The following PPP1R8 variants were observed in gnomAD, a reference collection of about 807,000 sequenced individuals.
The protein encoded by PPP1R8 is protein phosphatase 1 regulatory subunit 8.
PPP1R8 carries 4 observed loss-of-function variants against 31.3 expected under a neutral mutation model. The ratio of observed to expected loss-of-function variants is 0.13; its 90% confidence interval spans 0.06 to 0.29. PPP1R8 has a LOEUF of 0.29. Ranked by LOEUF, PPP1R8 falls within the 10% of genes least tolerant of loss-of-function variation. PPP1R8 has a pLI of 1.00. For missense variants in PPP1R8, 254 were observed against 440.1 expected, an observed-to-expected ratio of 0.58 and a Z score of 3.78; for synonymous variants, 170 against 169.7, an observed-to-expected ratio of 1.00 and a Z score of -0.01.
chr1:27,844,472 C>T (rs1177891471), intron 5 of PPP1R8, among the ~76,000 whole-genome samples: 2 of 151,648 alleles, frequency 1.3e-5, no homozygotes, highest in Non-Finnish European at 2.9e-5. Context: ...GAATTATAGG[C>T]TTCTGCCACC....
Position 27,850,306 on chromosome 1 carries a change from G to A in PPP1R8, c.916G>A (p.Val306Ile). The change falls in exon 7 of 7, where the codon GTT (valine) becomes ATT (isoleucine). Residue 306 changes from valine to isoleucine, a missense_variant. Physicochemically the swap from Val to Ile is conservative, Grantham distance 29. Coordinates refer to ENST00000311772, the MANE Select transcript of PPP1R8 (RefSeq NM_014110.5). ...TGCCCCTGATGTGGACTTGACTCCTGTTGTGCCGTCAGCAGTGAACATGAA... is the reference window on the plus strand; with the variant it reads ...TGCCCCTGATGTGGACTTGACTCCTATTGTGCCGTCAGCAGTGAACATGAA... ...NLAPDVDLTP[V>I]VPSAVNMNPA... 2 of 1,614,240 alleles carry A rather than the reference G, an allele frequency of 1.2e-6. No individual in the cohort carries two copies. Among genetic ancestry groups the A allele is most frequent in the East Asian group, 2.2e-5 (1 of 44,882 alleles).
At chr1:27,835,402 T>C (rs1271800060) in intron 2 of PPP1R8, among the ~76,000 whole-genome samples, 3 of 152,228 alleles carry the variant, frequency 2.0e-5, no homozygotes, top group African/African-American at 7.2e-5. Flanking sequence ...TATTTTTAAC[T>C]CAAGTCTTAA....
chr1:27,850,188 C>T lies in PPP1R8; in HGVS notation c.798C>T (p.Gly266=). The T allele has an allele frequency of 6.2e-7, 1 of 1,614,158 alleles. No individual in the cohort carries two copies. Among genetic ancestry groups the T allele is most frequent in the Non-Finnish European group, 8.5e-7 (1 of 1,180,024 alleles). ...CCTTCAGCGGAGGACTCTACGGGGG[C>T]CTGCCCCCCACACACAGTGAAGCAG... is the stretch of plus-strand genomic sequence containing the variant. ...NFAFSGGLYG[G]LPPTHSEAGS... Residue 266 remains glycine, a synonymous_variant, in exon 7 of 7, where the codon GGC becomes GGT. Transcript: ENST00000311772.
rs1571542076 is a variant in PPP1R8, at chr1:27,831,170, G to A, written c.56+279G>A. On this transcript the variant is annotated intron_variant, in intron 1 of 6. Transcript: ENST00000311772. ...TAGCCAGTCGCCGGAGCGCTTCGAGGCCTTGGCCCGAACTTACGCCCAACT... is the reference window on the plus strand; with the variant it reads ...TAGCCAGTCGCCGGAGCGCTTCGAGACCTTGGCCCGAACTTACGCCCAACT... The A allele has an allele frequency of 1.3e-5, 16 of 1,215,712 alleles. No homozygotes were observed. The South Asian group carries it at 3.5e-4, about 27-fold the overall frequency. The allele number at this position is 1,215,712 out of a possible 1,614,324, so 75.3% of individuals were successfully genotyped here. A position where few individuals can be genotyped will look rare whatever the true frequency, so the allele number is the denominator to read the frequency against.
chr1:27,833,418 C>T (rs967562063), intron 2 of PPP1R8, among the ~76,000 whole-genome samples: 5 of 152,118 alleles, frequency 3.3e-5, no homozygotes, highest in African/African-American at 1.2e-4. Flanking sequence ...GACAGAATCA[C>T]ACCAAAAAAT....
chr1:27,842,111 T>G (rs1269575173), intron 4 of PPP1R8, among the ~76,000 whole-genome samples: 1 of 152,086 alleles, frequency 6.6e-6, no homozygotes, highest in Non-Finnish European at 1.5e-5. Flanking sequence ...GAGGCCGAGG[T>G]GGGCGGATCA....
intron 5 of PPP1R8, among the ~76,000 whole-genome samples, chr1:27,843,581 A>G (rs1380973411): frequency 6.6e-6 from 1 of 151,104 alleles, no homozygotes; most frequent in Non-Finnish European, 1.5e-5. Context: ...AATTGCTTGA[A>G]CCCAGGAGGC....
chr1:27,834,717 A>G (rs950392475), intron 2 of PPP1R8, among the ~76,000 whole-genome samples: 1 of 152,186 alleles, frequency 6.6e-6, no homozygotes, highest in Non-Finnish European at 1.5e-5. Context: ...TTTTCTGTTA[A>G]AATTCCATAC....
intron 1 of PPP1R8, chr1:27,831,455 C>T: frequency 1.5e-6 from 1 of 684,136 alleles, no homozygotes; most frequent in Non-Finnish European, 1.8e-6. Flanking sequence ...CCTTTTTATC[C>T]CTTCGAAAGT....
chr1:27,847,199 G>A lies in PPP1R8; in HGVS notation c.702+107G>A, dbSNP rs1253957384. The A allele has an allele frequency of 2.7e-6, 3 of 1,129,198 alleles. No homozygotes were observed. In the Admixed American group the frequency reaches 5.4e-5, roughly 20 times the overall value. The allele number at this position is 1,129,198 out of a possible 1,614,324, so 69.9% of individuals were successfully genotyped here. The stretch of plus-strand genomic sequence containing the variant: ...CCAAGCACTTTGGGAGGCTGAGGCA[G>A]GCAGATCAAGAGGTCAAGAAATCGA... On this transcript the variant is annotated intron_variant, in intron 6 of 6. Transcript: ENST00000311772.
intron 2 of PPP1R8, among the ~76,000 whole-genome samples, chr1:27,834,165 A>G (rs950987462): frequency 3.9e-5 from 6 of 152,230 alleles, no homozygotes; most frequent in Non-Finnish European, 8.8e-5. Context: ...AGGGTTGCCT[A>G]GTCTTAATGA....
intron 3 of PPP1R8, among the ~76,000 whole-genome samples, chr1:27,839,547 A>G (rs1042215636): frequency 2.0e-5 from 3 of 152,100 alleles, no homozygotes; most frequent in Non-Finnish European, 4.4e-5. Context: ...AAGAAAAGGA[A>G]AAAGGCACCC....
chr1:27,832,405 G>A (rs1442274499), intron 1 of PPP1R8, among the ~76,000 whole-genome samples: 1 of 152,154 alleles, frequency 6.6e-6, no homozygotes, highest in South Asian at 2.1e-4. Context: ...TATTGGAGTA[G>A]GGGTGGATTT....
chr1:27,843,109 C>A, intron 4 of PPP1R8, 77 bp from the exon 5 acceptor site: 8 of 1,571,514 alleles, frequency 5.1e-6, no homozygotes, highest in Non-Finnish European at 7.0e-6. Flanking sequence ...GCCTTCCTCA[C>A]CTTTATTTAG....
At chr1:27,849,488 A>AT (rs1557433335) in intron 6 of PPP1R8, among the ~76,000 whole-genome samples, 1 of 151,054 alleles carries the variant, frequency 6.6e-6, no homozygotes, top group Non-Finnish European at 1.5e-5. Context: ...CCTAAAAGGG[A>AT]TTTTTTTAAA....
At chr1:27,831,065 C>T in intron 1 of PPP1R8, 174 bp downstream of exon 1, 1 of 1,387,550 alleles carries the variant, frequency 7.2e-7, no homozygotes, top group Non-Finnish European at 9.3e-7. Context: ...AACCGAGAGC[C>T]TGGAGCCCAG....
In PPP1R8 at chr1:27,839,301, G is replaced by A. The variant is rs185454535; in HGVS notation, c.271+449G>A. On this transcript the variant is annotated intron_variant, in intron 3 of 6. Coordinates refer to ENST00000311772, the MANE Select transcript of PPP1R8 (RefSeq NM_014110.5). Reference sequence around the variant, plus strand: ...CCAGCACTTTGGGAGGCCGAGGTGGGCGAATCATTTGAGGCCAGGAGTTTG... The same window carrying A: ...CCAGCACTTTGGGAGGCCGAGGTGGACGAATCATTTGAGGCCAGGAGTTTG... Among the ~76,000 whole-genome samples, 53 of 152,274 alleles carry A rather than the reference G, an allele frequency of 3.5e-4. No homozygotes were observed. The East Asian group carries it at 9.1e-3, about 26-fold the overall frequency.
intron 6 of PPP1R8, among the ~76,000 whole-genome samples, chr1:27,849,391 A>G (rs2089317798): frequency 6.6e-6 from 1 of 151,856 alleles, no homozygotes; most frequent in Non-Finnish European, 1.5e-5. Flanking sequence ...AAAAAAAAAA[A>G]ATTGCACACC....
intron 1 of PPP1R8, chr1:27,831,108 C>T (rs2148612861): frequency 7.4e-7 from 1 of 1,352,172 alleles, no homozygotes. Context: ...GGGTTGGGGG[C>T]TCAAAGGCGC....
Sources: gnomAD v4.1 joint callset for allele counts (sites outside exome capture counted in the v4.1 genomes callset) on GRCh38, gnomAD v4.1.1 for gene constraint, MANE v1.5 for transcripts, NCBI Gene and HGNC (gene_info 2026-07-23, HGNC 2026-07-21) for gene names.